The following FRY variants were observed in gnomAD, a reference collection of about 807,000 sequenced individuals.
FRY encodes protein furry homolog.
Under a neutral mutation model 348.4 loss-of-function variants are expected in FRY, and 128 were observed. The ratio of observed to expected loss-of-function variants is 0.37; its 90% CI spans 0.32 to 0.43. The LOEUF (loss-of-function observed/expected upper bound fraction) is 0.43. Ranked by LOEUF, FRY falls within the 20% of genes least tolerant of loss-of-function variation. The pLI is 1.00. For synonymous variants in FRY, 1,370 were observed against 1,374.7 expected (o/e 1.00, Z 0.08); for missense variants, 2,736 against 3,695.2 (o/e 0.74, Z 6.73).
chr13:32,253,282 A>G (rs78597302), intron 50 of FRY, among the ~76,000 whole-genome samples: 2,851 of 152,332 alleles, frequency 0.019, 92 homozygotes, highest in African/African-American at 0.058. Context: ...ATGAGAGGCT[A>G]TCATATGCAT....
chr13:32,201,550 A>G (rs1884030748), intron 29 of FRY, among the ~76,000 whole-genome samples: 1 of 152,228 alleles, frequency 6.6e-6, no homozygotes, highest in Admixed American at 6.5e-5. Flanking sequence ...AAATGAAAAT[A>G]TTGATTTGGT....
chr13:32,197,444 C>T (rs948677198), intron 29 of FRY, among the ~76,000 whole-genome samples: 1 of 152,134 alleles, frequency 6.6e-6, no homozygotes, highest in African/African-American at 2.4e-5. Flanking sequence ...GTGAGCCATC[C>T]ATCTGGAGTA....
Position 32,179,776 on chromosome 13 carries a change from A to G in FRY, c.2973A>G (p.Gly991=), listed in dbSNP as rs1426578360. The G allele has an allele frequency of 6.2e-7, 1 of 1,613,774 alleles. No homozygotes were observed. The highest frequency in any genetic ancestry group is 1.1e-5 in the South Asian group (1 of 91,078). ...EITESLVLGF[G]RTNSLVFREL... ...CAGAGTCCTTAGTTTTAGGATTTGG[A>G]AGAACAAATTCCCTTGTTTTCAGGT... Residue 991 remains glycine, a synonymous_variant, in exon 23 of 61, where the codon GGA becomes GGG. Coordinates refer to ENST00000542859, the MANE Select transcript of FRY (RefSeq NM_023037.3).
chr13:32,279,735 G>C (rs910841499), intron 58 of FRY, among the ~76,000 whole-genome samples: 1 of 152,194 alleles, frequency 6.6e-6, no homozygotes, highest in Admixed American at 6.5e-5. Context: ...ACTTTATTAC[G>C]TAAAAAGAAT....
chr13:32,103,946 G>C (rs1045666661), intron 3 of FRY, among the ~76,000 whole-genome samples: 2 of 151,076 alleles, frequency 1.3e-5, no homozygotes, highest in Non-Finnish European at 3.0e-5. Context: ...CTGGGTAACA[G>C]TGAGACCGCA....
intron 1 of FRY, among the ~76,000 whole-genome samples, chr13:32,055,972 C>T (rs1374452900): frequency 6.6e-6 from 1 of 152,062 alleles, no homozygotes; most frequent in Admixed American, 6.6e-5. Flanking sequence ...GTGGGCAGAT[C>T]ACGAGGTCAG....
rs1566090810 is a variant in FRY, at chr13:32,136,878, AC to A, written c.1090del (p.Leu364TrpfsTer2). On this transcript the variant is annotated frameshift_variant, in exon 11 of 61. Coordinates refer to ENST00000542859, the MANE Select transcript of FRY (RefSeq NM_023037.3). LOFTEE classifies it high-confidence loss of function. ...CCTCTCCTTTCTCCTCAGGCCTTGTACCCCCTGGTGACCTGTTTGCTCTGTG... is the reference window on the plus strand; with the variant it reads ...CCTCTCCTTTCTCCTCAGGCCTTGTACCCCTGGTGACCTGTTTGCTCTGTG... ...SSRKKHSLAL[Y>X]PLVTCLLCVS... 3 of 1,583,514 alleles carry A rather than the reference AC, an allele frequency of 1.9e-6. No homozygotes were observed. Among genetic ancestry groups the A allele is most frequent in the Non-Finnish European group, 2.6e-6 (3 of 1,152,164 alleles).
intron 41 of FRY, among the ~76,000 whole-genome samples, chr13:32,233,832 C>T (rs1886058297): frequency 6.6e-6 from 1 of 152,174 alleles, no homozygotes; most frequent in African/African-American, 2.4e-5. Flanking sequence ...ATTTTCACAA[C>T]AACTGTACGA....
At chr13:32,116,663 G>A (rs1878320774) in intron 3 of FRY, among the ~76,000 whole-genome samples, 1 of 152,104 alleles carries the variant, frequency 6.6e-6, no homozygotes, top group African/African-American at 2.4e-5. Context: ...GATATGGATT[G>A]AAGTGTTTTT....
At chr13:32,147,211 T>C in intron 11 of FRY, 71 bp from the exon 12 acceptor site, 1 of 925,726 alleles carries the variant, frequency 1.1e-6, no homozygotes, top group Non-Finnish European at 1.8e-6. Context: ...GGCCTGCAGA[T>C]AAGAGCCATC....
At chr13:32,152,678 C>T (rs1041629918) in intron 14 of FRY, among the ~76,000 whole-genome samples, 57 of 152,004 alleles carry the variant, frequency 3.7e-4, no homozygotes, top group Admixed American at 3.1e-3. Flanking sequence ...ATAAATCTTC[C>T]AGAAGAAAAG....
intron 29 of FRY, among the ~76,000 whole-genome samples, chr13:32,198,508 T>C (rs75705423): frequency 0.032 from 4,861 of 152,274 alleles, 96 homozygotes; most frequent in East Asian, 0.087. Context: ...CTGAGAGCAT[T>C]GTAGGTAAGA....
chr13:32,103,539 G>GA (rs1489152891), intron 3 of FRY, among the ~76,000 whole-genome samples: 2 of 152,132 alleles, frequency 1.3e-5, no homozygotes, highest in Non-Finnish European at 2.9e-5. Context: ...ATAGCATTAG[G>GA]AGATATACCT....
chr13:32,179,094 G>C, intron 22 of FRY, 61 bp downstream of exon 22: 1 of 1,339,756 alleles, frequency 7.5e-7, no homozygotes, highest in South Asian at 1.2e-5. Context: ...TGTTTGTCTA[G>C]AGTTCACAGT....
At chr13:32,279,547 T>C (rs1888713439) in intron 58 of FRY, among the ~76,000 whole-genome samples, 1 of 152,216 alleles carries the variant, frequency 6.6e-6, no homozygotes, top group Non-Finnish European at 1.5e-5. Flanking sequence ...GCTCTCCCAC[T>C]CTGTCTACTG....
intron 28 of FRY, 32 bp from the exon 29 acceptor site, chr13:32,194,111 G>T (rs767172214): frequency 1.3e-6 from 2 of 1,592,014 alleles, no homozygotes; most frequent in East Asian, 4.5e-5. Flanking sequence ...TTCATCAAAT[G>T]GGAATAATAT....
intron 17 of FRY, among the ~76,000 whole-genome samples, chr13:32,163,817 T>A (rs1881586090): frequency 6.6e-6 from 1 of 152,232 alleles, no homozygotes; most frequent in African/African-American, 2.4e-5. Context: ...GTGCTATTTA[T>A]AGTGCGTCCT....
chr13:32,263,073 T>G (rs1887748676), intron 53 of FRY, among the ~76,000 whole-genome samples: 1 of 152,254 alleles, frequency 6.6e-6, no homozygotes, highest in Non-Finnish European at 1.5e-5. Flanking sequence ...ATATTTCATT[T>G]AAAGTTTATT....
chr13:32,197,809 A>T (rs1427185820), intron 29 of FRY, among the ~76,000 whole-genome samples: 1 of 152,198 alleles, frequency 6.6e-6, no homozygotes, highest in Non-Finnish European at 1.5e-5. Context: ...AGAGTAGCGG[A>T]CATTTCCCAA....
Sources: gnomAD v4.1 joint callset for allele counts (sites outside exome capture counted in the v4.1 genomes callset) on GRCh38, gnomAD v4.1.1 for gene constraint, MANE v1.5 for transcripts, NCBI Gene and HGNC (gene_info 2026-07-23, HGNC 2026-07-21) for gene names.